Variants in CPS1 observed in about 807,000 individuals in gnomAD.
CPS1 encodes the protein carbamoyl-phosphate synthase 1.
CPS1 carries 109 observed loss-of-function variants against 174.6 expected under a neutral mutation model. The ratio of observed to expected loss-of-function variants is 0.62; its 90% CI spans 0.53 to 0.73. The LOEUF (loss-of-function observed/expected upper bound fraction) is 0.73, where lower values mean the gene tolerates loss of function less well. Ranked by LOEUF, CPS1 falls within the 30% of genes least tolerant of loss-of-function variation. CPS1 has a pLI of 0.00. For synonymous variants in CPS1, 637 were observed against 632.0 expected, an observed-to-expected ratio of 1.01 and a Z score of -0.12; for missense variants, 1,689 against 1,821.9, an observed-to-expected ratio of 0.93 and a Z score of 1.33.
intron 1 of CPS1, among the ~76,000 whole-genome samples, chr2:210,521,211 T>C (rs753446657): frequency 6.6e-6 from 1 of 152,082 alleles, no homozygotes; most frequent in African/African-American, 2.4e-5. Flanking sequence ...TTTTGAAAGA[T>C]TTCCTTGTTA....
chr2:210,543,888 C>T (rs1458482638), intron 1 of CPS1, among the ~76,000 whole-genome samples: 1 of 152,074 alleles, frequency 6.6e-6, no homozygotes, highest in Non-Finnish European at 1.5e-5. Flanking sequence ...AAGAAAGAAT[C>T]ACTTCCCCCC....
chr2:210,546,044 A>G (rs1696556525), intron 1 of CPS1, among the ~76,000 whole-genome samples: 1 of 151,918 alleles, frequency 6.6e-6, no homozygotes, highest in South Asian at 2.1e-4. Flanking sequence ...GTTATTCTTT[A>G]TTGTTCAATC....
At chr2:210,652,660 C>A (rs1700593146) in intron 28 of CPS1, among the ~76,000 whole-genome samples, 1 of 151,924 alleles carries the variant, frequency 6.6e-6, no homozygotes, top group Non-Finnish European at 1.5e-5. Flanking sequence ...TATTTTTTAA[C>A]CTTTTGAATG....
chr2:210,661,360 G>A (rs924040029), intron 32 of CPS1, among the ~76,000 whole-genome samples: 4 of 152,062 alleles, frequency 2.6e-5, no homozygotes, highest in Non-Finnish European at 5.9e-5. Context: ...ATATATAAAC[G>A]TATTTGAATT....
At chr2:210,479,820 A>G (rs1574454396) in intron 1 of CPS1, among the ~76,000 whole-genome samples, 1 of 152,150 alleles carries the variant, frequency 6.6e-6, no homozygotes, top group East Asian at 1.9e-4. Flanking sequence ...AAAAAATGTA[A>G]TGTTCCTTCT....
chr2:210,646,470 C>G (rs1700380409), intron 25 of CPS1, among the ~76,000 whole-genome samples: 1 of 152,094 alleles, frequency 6.6e-6, no homozygotes, highest in African/African-American at 2.4e-5. Flanking sequence ...TTGCTCTCAT[C>G]AGACAGAAAT....
At chr2:210,652,372 G>A (rs1700583943) in intron 28 of CPS1, among the ~76,000 whole-genome samples, 1 of 152,092 alleles carries the variant, frequency 6.6e-6, no homozygotes, top group African/African-American at 2.4e-5. Context: ...GAATTATGGG[G>A]CAAGACCAAA....
At chr2:210,615,910 G>A (rs1470171978) in intron 20 of CPS1, among the ~76,000 whole-genome samples, 2 of 152,004 alleles carry the variant, frequency 1.3e-5, no homozygotes, top group Non-Finnish European at 2.9e-5. Context: ...GAGGAATAAA[G>A]CCAAGCCAGA....
rs1312308322 is a variant in CPS1, at chr2:210,588,257, G to T, written c.711+110G>T. On this transcript the variant is annotated intron_variant, in intron 7 of 37. Transcript: ENST00000233072. ...TATGCATTCTTTCAGAATGTCAGGG[G>T]TCTACATTCTTCTTGTTGCTTTTGA... The T allele has an allele frequency of 3.3e-6, 3 of 908,294 alleles. No homozygotes were observed. The Admixed American group carries it at 5.6e-5, about 17-fold the overall frequency. 56.3% of individuals were successfully genotyped at this position (908,294 alleles called of 1,614,324 possible).
intron 2 of CPS1, among the ~76,000 whole-genome samples, chr2:210,574,682 A>T (rs1010812151): frequency 6.6e-6 from 1 of 152,116 alleles, no homozygotes; most frequent in Non-Finnish European, 1.5e-5. Context: ...GATAGTTTAC[A>T]GGTAATAAAT....
At chr2:210,627,105 C>A (rs1287512978) in intron 21 of CPS1, among the ~76,000 whole-genome samples, 1 of 152,160 alleles carries the variant, frequency 6.6e-6, no homozygotes, top group South Asian at 2.1e-4. Context: ...GCTTAGCGGT[C>A]AAGTTGTGAG....
intron 13 of CPS1, 89 bp from the exon 14 acceptor site, chr2:210,599,283 C>G (rs1698615802): frequency 8.1e-7 from 1 of 1,235,060 alleles, no homozygotes; most frequent in Non-Finnish European, 1.2e-6. Context: ...AACCTAAAAG[C>G]TTAGTTACCC....
rs1384532433 is a variant in CPS1 at position 210,573,368 on chromosome 2, C to T, written c.197C>T (p.Ser66Phe). ...GGTTACTCCTTTGGCCATCCATCCTCTGTTGCTGGTGAAGTGGTTTTTAAT... is the reference window on the plus strand; with the variant it reads ...GGTTACTCCTTTGGCCATCCATCCTTTGTTGCTGGTGAAGTGGTTTTTAAT... Reference protein sequence around the residue: ...MKGYSFGHPSSVAGEVVFNTG... With the variant: ...MKGYSFGHPSFVAGEVVFNTG... Residue 66 changes from serine (S) to phenylalanine (F), a missense_variant, in exon 2 of 38, where the codon TCT becomes TTT. By Grantham distance (155) the Ser-to-Phe change is radical. Coordinates refer to ENST00000233072, the MANE Select transcript of CPS1 (RefSeq NM_001875.5). The T allele has an allele frequency of 1.9e-6, 3 of 1,613,072 alleles. No individual in the cohort carries two copies. Among genetic ancestry groups the T allele is most frequent in the Non-Finnish European group, 2.5e-6 (3 of 1,179,306 alleles).
chr2:210,501,463 A>C (rs1695136721), intron 1 of CPS1, among the ~76,000 whole-genome samples: 1 of 152,156 alleles, frequency 6.6e-6, no homozygotes, highest in African/African-American at 2.4e-5. Context: ...GTAAAACTGA[A>C]TGCTTTTAAC....
intron 1 of CPS1, among the ~76,000 whole-genome samples, chr2:210,541,873 A>G (rs1456933027): frequency 6.6e-6 from 1 of 152,108 alleles, no homozygotes; most frequent in Non-Finnish European, 1.5e-5. Flanking sequence ...TGTGAACCAA[A>G]GGTGTGATGC....
chr2:210,526,644 C>A (rs1446296683), intron 1 of CPS1, among the ~76,000 whole-genome samples: 1 of 151,896 alleles, frequency 6.6e-6, no homozygotes, highest in East Asian at 1.9e-4. Flanking sequence ...CTACCCCACA[C>A]ACCCTGAAAT....
intron 1 of CPS1, among the ~76,000 whole-genome samples, chr2:210,566,641 G>A (rs980973723): frequency 6.6e-6 from 1 of 152,156 alleles, no homozygotes; most frequent in African/African-American, 2.4e-5. Flanking sequence ...GAGGTTATAA[G>A]TCAAACAGAC....
At chr2:210,650,823 C>T (rs1700536470) in intron 28 of CPS1, among the ~76,000 whole-genome samples, 1 of 152,116 alleles carries the variant, frequency 6.6e-6, no homozygotes, top group Non-Finnish European at 1.5e-5. Flanking sequence ...ACCATGCTCA[C>T]CATTAACAAG....
rs1459583489 is a variant in CPS1, at chr2:210,677,977, G to A, written c.4495G>A (p.Ala1499Thr). The change falls in exon 38 of 38, where the codon GCA (alanine) becomes ACA (threonine). Residue 1499 changes from alanine to threonine, a missense_variant. Coordinates refer to ENST00000233072, the MANE Select transcript of CPS1 (RefSeq NM_001875.5). ...FHYRQYSAGK[A>T]A ...CTACAGGCAGTACAGTGCTGGAAAA[G>A]CAGCATAGAGATGCAGACACCCCAG... 1 of 1,612,626 alleles carries A rather than the reference G, an allele frequency of 6.2e-7. No homozygotes were observed. Among genetic ancestry groups the A allele is most frequent in the Non-Finnish European group, 8.5e-7 (1 of 1,178,746 alleles).
Sources: gnomAD v4.1 joint callset for allele counts (sites outside exome capture counted in the v4.1 genomes callset) on GRCh38, gnomAD v4.1.1 for gene constraint, MANE v1.5 for transcripts, NCBI Gene and HGNC (gene_info 2026-07-23, HGNC 2026-07-21) for gene names.